Variants in TNS3 observed in about 807,000 individuals in gnomAD.
TNS3 encodes tensin 3, also known as tensin-3.
TNS3 carries 45 observed loss-of-function variants against 140.9 expected under a neutral mutation model. The ratio of observed to expected loss-of-function variants is 0.32; its 90% CI spans 0.25 to 0.41. The LOEUF is 0.41. TNS3 is among the 10% of genes least tolerant of loss of function. The pLI is 1.00. For synonymous variants in TNS3, 815 were observed against 788.4 expected (o/e 1.03, Z -0.56); for missense variants, 1,716 against 1,906.7 (o/e 0.90, Z 1.86).
intron 1 of TNS3, among the ~76,000 whole-genome samples, chr7:47,571,792 C>T (rs1236658335): frequency 6.6e-6 from 1 of 152,246 alleles, no homozygotes; most frequent in Non-Finnish European, 1.5e-5. Flanking sequence ...GACTCACAGG[C>T]CAAGGTCGGC....
At chr7:47,413,298 C>T (rs10243561) in intron 12 of TNS3, among the ~76,000 whole-genome samples, 1,409 of 136,952 alleles carry the variant, frequency 0.01, 15 homozygotes, top group Non-Finnish European at 0.016. Flanking sequence ...GTCACCTAGC[C>T]TGGAGTGCAG....
At chr7:47,510,261 G>C (rs1463801212) in intron 2 of TNS3, among the ~76,000 whole-genome samples, 1 of 152,104 alleles carries the variant, frequency 6.6e-6, no homozygotes, top group Non-Finnish European at 1.5e-5. Context: ...CTGGCCAGAA[G>C]GGAGGCTGCA....
intron 13 of TNS3, among the ~76,000 whole-genome samples, chr7:47,410,194 T>G (rs1793689509): frequency 6.6e-6 from 1 of 152,138 alleles, no homozygotes; most frequent in African/African-American, 2.4e-5. Flanking sequence ...CTCCTGGTCC[T>G]CCCTCTCACT....
intron 20 of TNS3, among the ~76,000 whole-genome samples, chr7:47,338,279 C>T (rs1332162386): frequency 2.6e-5 from 4 of 152,176 alleles, no homozygotes; most frequent in Admixed American, 1.3e-4. Flanking sequence ...AAATTGTTTT[C>T]CACAGCAGCT....
At chr7:47,529,241 T>C in intron 1 of TNS3, 94 bp from the exon 2 acceptor site, 2 of 679,560 alleles carry the variant, frequency 2.9e-6, no homozygotes, top group Non-Finnish European at 4.2e-6. Context: ...CTAGTGGAAT[T>C]GTAAAGAGCA....
intron 4 of TNS3, among the ~76,000 whole-genome samples, chr7:47,462,693 G>A (rs7793087): frequency 0.45 from 69,084 of 151,906 alleles, 16,926 homozygotes; most frequent in Admixed American, 0.58. Flanking sequence ...GCAGCAAGGG[G>A]AGTGCTAGGA....
At chr7:47,346,153 G>A in intron 18 of TNS3, 34 bp downstream of exon 18, 1 of 1,607,850 alleles carries the variant, frequency 6.2e-7, no homozygotes, top group Non-Finnish European at 8.5e-7. Context: ...GAGTGGAATG[G>A]GCCCAGAAAC....
intron 8 of TNS3, among the ~76,000 whole-genome samples, chr7:47,434,806 C>T (rs1795097038): frequency 6.6e-6 from 1 of 152,206 alleles, no homozygotes; most frequent in South Asian, 2.1e-4. Flanking sequence ...GCCATGTCTG[C>T]ACTGCAATGG....
rs372814305 is a variant in TNS3, at chr7:47,494,576, G to T, written c.-115+12331C>A. ...TTCCAGTGATAAGGGAGGGTTAACA[G>T]CTCAGATCCTTGCACACCGCTTTAT... On this transcript the variant is annotated intron_variant, in intron 3 of 30. Transcript: ENST00000311160. 1.1e-4 allele frequency among the ~76,000 whole-genome samples: 16 copies of T among 152,200 alleles called. No individual in the cohort carries two copies. In the East Asian group the frequency reaches 2.1e-3, roughly 20 times the overall value.
intron 8 of TNS3, 127 bp from the exon 9 acceptor site, chr7:47,428,503 C>T: frequency 1.6e-6 from 1 of 607,634 alleles, no homozygotes; most frequent in Admixed American, 3.9e-5. Flanking sequence ...GCCAGCATTA[C>T]CCACAGCCTT....
At chr7:47,427,436 G>C (rs187379684) in intron 9 of TNS3, among the ~76,000 whole-genome samples, 86 of 152,290 alleles carry the variant, frequency 5.6e-4, no homozygotes, top group Admixed American at 5.6e-3. Flanking sequence ...ATATGAATAG[G>C]CTTCTATTTC....
intron 20 of TNS3, among the ~76,000 whole-genome samples, chr7:47,331,435 A>C (rs1444598408): frequency 6.6e-6 from 1 of 152,162 alleles, no homozygotes; most frequent in East Asian, 1.9e-4. Context: ...AAACAAACAC[A>C]AAACACAAAC....
At position 47,470,618 on chromosome 7, in the gene TNS3, C is replaced by T. The variant is rs561197113; in HGVS notation, c.-76+10485G>A. 4.1e-6 allele frequency: 4 copies of T among 985,410 alleles called. No individual in the cohort carries two copies. The African/African-American group carries it at 5.2e-5, about 13-fold the overall frequency. 61.0% of individuals were successfully genotyped at this position (985,410 alleles called of 1,614,324 possible). ...TGTCACTTTAGGAAGAGATCCCCAG[C>T]GCAGAGAAATGCAGCAACCCTGAAC... On this transcript the variant is annotated intron_variant, in intron 4 of 30. Coordinates refer to ENST00000311160, the MANE Select transcript of TNS3 (RefSeq NM_022748.12).
intron 1 of TNS3, among the ~76,000 whole-genome samples, chr7:47,546,767 A>G (rs1799931256): frequency 6.6e-6 from 1 of 152,200 alleles, no homozygotes; most frequent in South Asian, 2.1e-4. Context: ...CTAGCAGGGA[A>G]CAGACATGGG....
rs1487661343 is a variant in TNS3, at chr7:47,275,270, A to T, written c.*2806T>A. 1 of 152,722 alleles carries T rather than the reference A, an allele frequency of 6.5e-6. No homozygotes were observed. Among genetic ancestry groups the T allele is most frequent in the Non-Finnish European group, 1.5e-5 (1 of 68,070 alleles). The allele number at this position is 152,722 out of a possible 1,614,324, so 9.5% of individuals were successfully genotyped here. A position where few individuals can be genotyped will look rare whatever the true frequency, so the allele number is the denominator to read the frequency against. On this transcript the variant is annotated 3_prime_UTR_variant, in exon 31 of 31. Transcript: ENST00000311160. ...TTTACATACTGGATATATTCTTTAC[A>T]GTATCAGAAAAGTAAAAATATGCAC...
intron 3 of TNS3, among the ~76,000 whole-genome samples, chr7:47,496,953 A>G (rs1798033839): frequency 6.6e-6 from 1 of 152,184 alleles, no homozygotes; most frequent in Admixed American, 6.5e-5. Flanking sequence ...GCTGGCCAGA[A>G]CCAAGGCAGC....
intron 9 of TNS3, among the ~76,000 whole-genome samples, chr7:47,427,175 A>G (rs1007129183): frequency 1.3e-5 from 2 of 151,610 alleles, no homozygotes; most frequent in African/African-American, 4.8e-5. Context: ...TCTGTCCAGA[A>G]CCAGCCAGGC....
At chr7:47,491,271 T>C (rs536025800) in intron 3 of TNS3, among the ~76,000 whole-genome samples, 4 of 152,306 alleles carry the variant, frequency 2.6e-5, no homozygotes, top group African/African-American at 7.2e-5. Flanking sequence ...ACCATATATA[T>C]ACTGTTTCAA....
At chr7:47,457,958 G>A (rs1269067083) in intron 4 of TNS3, among the ~76,000 whole-genome samples, 5 of 152,144 alleles carry the variant, frequency 3.3e-5, no homozygotes, top group Admixed American at 6.6e-5. Flanking sequence ...AGAAGCTTGA[G>A]CCTATCAGGA....
Sources: gnomAD v4.1 joint callset for allele counts (sites outside exome capture counted in the v4.1 genomes callset) on GRCh38, gnomAD v4.1.1 for gene constraint, MANE v1.5 for transcripts, NCBI Gene and HGNC (gene_info 2026-07-23, HGNC 2026-07-21) for gene names.